CELF2: variants seen among roughly 807,000 people sequenced by gnomAD.
The protein encoded by CELF2 is CUGBP Elav-like family member 2.
A neutral mutation model predicts 62.6 loss-of-function variants in CELF2; 8 were observed. The ratio of observed to expected loss-of-function variants is 0.13; its 90% CI spans 0.07 to 0.23. The LOEUF is 0.23. Among genes scored for constraint, CELF2 ranks in the 10% least tolerant of loss-of-function variants. The pLI, the probability that CELF2 is intolerant of heterozygous loss-of-function variation, is 1.00. For missense variants in CELF2, 333 were observed against 671.0 expected, an observed-to-expected ratio of 0.50 and a Z score of 5.56; for synonymous variants, 258 against 250.0, an observed-to-expected ratio of 1.03 and a Z score of -0.30.
the CELF2 span, among the ~76,000 whole-genome samples, chr10:10,514,065 T>C: frequency 6.6e-6 from 1 of 152,216 alleles, no homozygotes; most frequent in East Asian, 1.9e-4. Context: ...CCGTCCACTC[T>C]GGGTAGATTG....
chr10:11,202,889 A>C (rs1181662367), intron 2 of CELF2, among the ~76,000 whole-genome samples: 38 of 116,890 alleles, frequency 3.3e-4, no homozygotes, highest in East Asian at 5.2e-4. Context: ...CTGCCTTCCC[A>C]CCCCCATCCT....
chr10:10,512,623 C>G, the CELF2 span, among the ~76,000 whole-genome samples: 4 of 152,186 alleles, frequency 2.6e-5, no homozygotes, highest in Admixed American at 6.5e-5. Context: ...CCGTGTTGGC[C>G]AGGCTGGTCT....
chr10:11,303,695 A>G (rs1200739033), intron 9 of CELF2, among the ~76,000 whole-genome samples: 14 of 152,236 alleles, frequency 9.2e-5, no homozygotes, highest in Admixed American at 9.2e-4. Flanking sequence ...GAGCCAAAAA[A>G]TTAAAGGCAA....
chr10:11,148,804 C>T (rs775257609), intron 1 of CELF2, among the ~76,000 whole-genome samples: 41 of 151,432 alleles, frequency 2.7e-4, no homozygotes, highest in Non-Finnish European at 5.4e-4. Flanking sequence ...GCCAGCCAAG[C>T]TAGTTGCCCT....
At chr10:11,304,225 C>T (rs764508874) in intron 9 of CELF2, among the ~76,000 whole-genome samples, 11 of 152,150 alleles carry the variant, frequency 7.2e-5, no homozygotes, top group Non-Finnish European at 1.3e-4. Context: ...AGGCCACCAG[C>T]TTTACTTGGC....
At chr10:11,194,643 T>C (rs1763265163) in intron 2 of CELF2, among the ~76,000 whole-genome samples, 1 of 152,142 alleles carries the variant, frequency 6.6e-6, no homozygotes, top group South Asian at 2.1e-4. Flanking sequence ...CCTCCCCATT[T>C]TGGTTATTAT....
chr10:11,239,015 A>G (rs527967940), intron 3 of CELF2, among the ~76,000 whole-genome samples: 4 of 152,312 alleles, frequency 2.6e-5, no homozygotes, highest in South Asian at 2.1e-4. Context: ...TACAGGAGGT[A>G]ACATAGGCTG....
In CELF2 at chr10:11,170,867, G is replaced by A. The variant is rs148986500; in HGVS notation, c.271+5185G>A. ...CCAAATCATAGCACTCTGAGAAAGC[G>A]TGTTCTATAATGAACACTTTACATT... On this transcript the variant is annotated intron_variant, in intron 2 of 12. Coordinates refer to ENST00000633077, the MANE Select transcript of CELF2 (RefSeq NM_001326342.2). Among the ~76,000 whole-genome samples, 832 of 152,248 alleles carry A rather than the reference G, an allele frequency of 5.5e-3. 13 individuals carry two copies. Among genetic ancestry groups the A allele is most frequent in the African/African-American group, 0.019 (782 of 41,534 alleles).
rs2052377316 is a variant in CELF2 at position 10,983,394 on chromosome 10, A to G, written c.89+63395A>G. On this transcript the variant is annotated intron_variant, in intron 2 of 13. Coordinates refer to the CELF2 transcript ENST00000636488. The surrounding 1 kb of genome is among the most constrained non-coding windows in gnomAD (Gnocchi z 5.2). Reference sequence around the variant, plus strand: ...ACCTGTTTACTTGATTGAATTGATTAGGGACTATTAAAAAATAAAATTATC... The same window carrying G: ...ACCTGTTTACTTGATTGAATTGATTGGGGACTATTAAAAAATAAAATTATC... Among the ~76,000 whole-genome samples the G allele has an allele frequency of 6.6e-6, 1 of 152,186 alleles. No individual in the cohort carries two copies. Among genetic ancestry groups the G allele is most frequent in the African/African-American group, 2.4e-5 (1 of 41,444 alleles).
At chr10:10,636,479 T>C in the CELF2 span, among the ~76,000 whole-genome samples, 1 of 152,196 alleles carries the variant, frequency 6.6e-6, no homozygotes, top group Non-Finnish European at 1.5e-5. Flanking sequence ...GAGCAGAATA[T>C]AGCATTTCAG....
the CELF2 span, among the ~76,000 whole-genome samples, chr10:10,524,637 A>G: frequency 6.6e-6 from 1 of 152,116 alleles, no homozygotes; most frequent in Admixed American, 6.6e-5. Flanking sequence ...TTCTCTCTCC[A>G]ATACCTTCAA....
the CELF2 span, among the ~76,000 whole-genome samples, chr10:10,466,758 A>G: frequency 2.6e-5 from 4 of 152,250 alleles, no homozygotes; most frequent in Admixed American, 2.6e-4. Flanking sequence ...ACGGGTATGT[A>G]GTATTAACTC....
rs1008408459 is a variant in CELF2 at position 11,145,222 on chromosome 10, G to T, written c.75-20264G>T. 1.3e-5 allele frequency among the ~76,000 whole-genome samples: 2 copies of T among 152,210 alleles called. No homozygotes were observed. Among genetic ancestry groups the T allele is most frequent in the African/African-American group, 4.8e-5 (2 of 41,440 alleles). ...GCTAAAAATACAGAACAGAACAAAT[G>T]TAAAACACTGCTGCTGCTCAAGGTT... On this transcript the variant is annotated intron_variant, in intron 1 of 12. Transcript: ENST00000633077. This position sits in a 1 kb window ranked among gnomAD's most constrained non-coding sequence, Gnocchi z 4.3.
chr10:11,179,942 C>A (rs150655472), intron 2 of CELF2, among the ~76,000 whole-genome samples: 2 of 152,224 alleles, frequency 1.3e-5, no homozygotes, highest in African/African-American at 4.8e-5. Context: ...CAAAATAGTC[C>A]TAAACCAAAA....
intron 1 of CELF2, among the ~76,000 whole-genome samples, chr10:11,126,003 A>T (rs1015393798): frequency 1.3e-5 from 2 of 152,176 alleles, no homozygotes; most frequent in Non-Finnish European, 2.9e-5. Context: ...TTGTCTTCCC[A>T]TCACTCAGAA....
intron 1 of CELF2, among the ~76,000 whole-genome samples, chr10:10,805,775 C>T (rs1443146556): frequency 6.6e-6 from 1 of 152,026 alleles, no homozygotes; most frequent in Non-Finnish European, 1.5e-5. Context: ...CCTTTTCTTG[C>T]TCCAGGAAAA....
intron 2 of CELF2, among the ~76,000 whole-genome samples, chr10:10,965,101 A>T (rs563364223): frequency 1.6e-3 from 245 of 152,272 alleles, no homozygotes; most frequent in Non-Finnish European, 2.9e-3. Context: ...CTCGTTTCTC[A>T]TTTGCTAGAA....
At chr10:10,721,830 C>T in the CELF2 span, among the ~76,000 whole-genome samples, 1 of 152,162 alleles carries the variant, frequency 6.6e-6, no homozygotes, top group Non-Finnish European at 1.5e-5. Context: ...CAGAGGAATG[C>T]TTTCATCTCT....
intron 2 of CELF2, among the ~76,000 whole-genome samples, chr10:10,989,715 T>G (rs990845455): frequency 6.6e-6 from 1 of 152,056 alleles, no homozygotes; most frequent in Admixed American, 6.6e-5. Context: ...TTTTTAATCA[T>G]TAAAAATAAA....
Sources: allele counts gnomAD v4.1 joint callset (sites outside exome capture counted in the v4.1 genomes callset), GRCh38; gene constraint gnomAD v4.1.1; non-coding constraint Gnocchi (gnomAD v3.1); transcripts MANE v1.5; gene names NCBI Gene and HGNC (gene_info 2026-07-23, HGNC 2026-07-21).